The following TRIM44 variants were observed in gnomAD, a reference collection of about 807,000 sequenced individuals.
The protein encoded by TRIM44 is tripartite motif-containing protein 44.
In TRIM44, 13 loss-of-function variants were observed where a neutral mutation model predicts 37.4. The ratio of observed to expected loss-of-function variants is 0.35; its 90% CI spans 0.23 to 0.55. The LOEUF (loss-of-function observed/expected upper bound fraction) is 0.55. Among genes scored for constraint, TRIM44 ranks in the 20% least tolerant of loss-of-function variants. TRIM44 has a pLI of 0.89. For missense variants in TRIM44, 426 were observed against 437.2 expected (o/e 0.97, Z 0.23); for synonymous variants, 175 against 157.2 (o/e 1.11, Z -0.85).
At chr11:35,771,871 G>A (rs1253366331) in intron 4 of TRIM44, among the ~76,000 whole-genome samples, 1 of 152,148 alleles carries the variant, frequency 6.6e-6, no homozygotes, top group Non-Finnish European at 1.5e-5. Context: ...ATTTGCATAA[G>A]GGGAGCCGAA....
In TRIM44 at chr11:35,755,410, T is replaced by C. The variant is rs1291338468; in HGVS notation, c.1007+19965T>C. ...TTGTAGATTCTGGATATTAGCCCTTTGTCAGATGAGTAGATTGCAAAAATT... is the reference window on the plus strand; with the variant it reads ...TTGTAGATTCTGGATATTAGCCCTTCGTCAGATGAGTAGATTGCAAAAATT... On this transcript the variant is annotated intron_variant, in intron 4 of 4. Coordinates refer to ENST00000299413, the MANE Select transcript of TRIM44 (RefSeq NM_017583.6). 9.2e-5 allele frequency among the ~76,000 whole-genome samples: 14 copies of C among 152,326 alleles called. No homozygotes were observed. The East Asian group carries it at 2.7e-3, about 29-fold the overall frequency.
chr11:35,805,180 A>T lies in TRIM44; in HGVS notation c.1008-1178A>T, dbSNP rs1853431121. On this transcript the variant is annotated intron_variant, in intron 4 of 4. Transcript: ENST00000299413. Reference sequence around the variant, plus strand: ...TAGAGCTTCACTTTTTTCATCTGGAAAACGGGGGATAATAATAGCCCCTAC... The same window carrying T: ...TAGAGCTTCACTTTTTTCATCTGGATAACGGGGGATAATAATAGCCCCTAC... Among the ~76,000 whole-genome samples, 3 of 152,154 alleles carry T rather than the reference A, an allele frequency of 2.0e-5. No homozygotes were observed. The South Asian group carries it at 6.2e-4, about 32-fold the overall frequency.
chr11:35,700,217 C>A (rs945049196), intron 2 of TRIM44, among the ~76,000 whole-genome samples: 3 of 152,140 alleles, frequency 2.0e-5, no homozygotes, highest in Admixed American at 6.5e-5. Context: ...TTAAGAAAAC[C>A]CTGTTTGTGC....
At chr11:35,771,988 TG>T (rs1047002745) in intron 4 of TRIM44, among the ~76,000 whole-genome samples, 5 of 152,096 alleles carry the variant, frequency 3.3e-5, no homozygotes, top group African/African-American at 1.2e-4. Flanking sequence ...ATGGTTTCCT[TG>T]GTCAGCCCAG....
chr11:35,735,441 C>G lies in TRIM44; in HGVS notation c.1003C>G (p.Pro335Ala), dbSNP rs1852316428. The G allele has an allele frequency of 2.5e-6, 4 of 1,613,534 alleles. No homozygotes were observed. Among genetic ancestry groups the G allele is most frequent in the African/African-American group, 2.7e-5 (2 of 74,878 alleles). Residue 335 changes from proline (P) to alanine (A), a missense_variant, in exon 4 of 5, where the codon CCC (proline) becomes GCC (alanine). This residue lies in a region of TRIM44 where 95 missense variants were observed against 134.2 expected (regional missense o/e 0.71). Transcript: ENST00000299413. ...EPKAEGDEEG[P>A]SGASEEEDT is the part of the protein sequence containing the mutation. ...TGTCTTTCAGGGCGATGAGGAAGGA[C>G]CCAGGTAAGATCACATTGTTGCTTG... is the stretch of plus-strand genomic sequence containing the variant.
chr11:35,720,909 C>CT (rs549626841), intron 2 of TRIM44, among the ~76,000 whole-genome samples: 2,251 of 137,992 alleles, frequency 0.016, 45 homozygotes, highest in African/African-American at 0.05. Context: ...GTATATAATT[C>CT]TTTTTTTTTT....
intron 3 of TRIM44, among the ~76,000 whole-genome samples, chr11:35,733,749 T>C (rs1852295190): frequency 6.6e-6 from 1 of 152,142 alleles, no homozygotes; most frequent in Admixed American, 6.6e-5. Flanking sequence ...TCAGTCACGC[T>C]CAACCCCACA....
intron 1 of TRIM44, among the ~76,000 whole-genome samples, chr11:35,666,522 GT>G: frequency 6.6e-6 from 1 of 152,254 alleles, no homozygotes; most frequent in South Asian, 2.1e-4. Flanking sequence ...TTGCTTCGCA[GT>G]TAAGTTTTAT....
At chr11:35,677,597 T>C (rs1851472409) in intron 1 of TRIM44, among the ~76,000 whole-genome samples, 1 of 152,168 alleles carries the variant, frequency 6.6e-6, no homozygotes, top group Admixed American at 6.5e-5. Flanking sequence ...TTTACCACAA[T>C]TCTTTGAGGT....
At chr11:35,766,600 A>G (rs1852801865) in intron 4 of TRIM44, among the ~76,000 whole-genome samples, 1 of 152,206 alleles carries the variant, frequency 6.6e-6, no homozygotes, top group South Asian at 2.1e-4. Flanking sequence ...CATTTTGCAG[A>G]TAAACTGAGT....
intron 2 of TRIM44, among the ~76,000 whole-genome samples, chr11:35,707,688 G>T (rs1035664694): frequency 6.8e-6 from 1 of 147,932 alleles, no homozygotes; most frequent in African/African-American, 2.4e-5. Context: ...AATAAATGGT[G>T]CTGGGAAAAC....
intron 2 of TRIM44, among the ~76,000 whole-genome samples, chr11:35,700,169 C>G (rs1291149520): frequency 6.6e-6 from 1 of 152,154 alleles, no homozygotes; most frequent in African/African-American, 2.4e-5. Context: ...TAGCCCTTTA[C>G]TAATTTTTGT....
intron 1 of TRIM44, among the ~76,000 whole-genome samples, chr11:35,679,511 T>TA (rs935465437): frequency 7.2e-5 from 11 of 152,130 alleles, no homozygotes; most frequent in African/African-American, 2.7e-4. Flanking sequence ...GATAGCAACT[T>TA]CAGATATCTA....
At chr11:35,776,939 G>T (rs923703234) in intron 4 of TRIM44, among the ~76,000 whole-genome samples, 41 of 152,042 alleles carry the variant, frequency 2.7e-4, no homozygotes, top group South Asian at 6.2e-4. Flanking sequence ...CTGTTGATTT[G>T]GGGTGGAGAG....
At chr11:35,718,324 T>G (rs1442336591) in intron 2 of TRIM44, among the ~76,000 whole-genome samples, 1 of 152,158 alleles carries the variant, frequency 6.6e-6, no homozygotes, top group Non-Finnish European at 1.5e-5. Flanking sequence ...CAGTGGCTAT[T>G]TAGTTTTCTG....
intron 4 of TRIM44, among the ~76,000 whole-genome samples, chr11:35,741,134 C>T (rs1361806494): frequency 1.3e-5 from 2 of 152,082 alleles, no homozygotes; most frequent in Non-Finnish European, 2.9e-5. Flanking sequence ...GGCTGTGATA[C>T]TTGTGATATG....
chr11:35,674,938 A>C (rs1440386313), intron 1 of TRIM44, among the ~76,000 whole-genome samples: 1 of 152,218 alleles, frequency 6.6e-6, no homozygotes. Context: ...TCTTTGAGGT[A>C]GGCCTTGAAA....
intron 1 of TRIM44, among the ~76,000 whole-genome samples, chr11:35,678,505 G>A (rs1025683214): frequency 2.6e-5 from 4 of 152,146 alleles, no homozygotes; most frequent in African/African-American, 4.8e-5. Flanking sequence ...TCGTACATGG[G>A]ATGGTGATAC....
chr11:35,726,244 C>T (rs2135516152), intron 3 of TRIM44, 81 bp downstream of exon 3: 2 of 1,541,290 alleles, frequency 1.3e-6, no homozygotes, highest in East Asian at 4.5e-5. Context: ...CCATGTGGTC[C>T]CTGAACGTGA....
Sources: gnomAD v4.1 joint callset for allele counts (sites outside exome capture counted in the v4.1 genomes callset) on GRCh38, gnomAD v4.1.1 for gene constraint, gnomAD v4.1.1 regional missense constraint, MANE v1.5 for transcripts, NCBI Gene and HGNC (gene_info 2026-07-23, HGNC 2026-07-21) for gene names.